TAOK1: variants seen among roughly 807,000 people sequenced by gnomAD.
TAOK1 encodes serine/threonine-protein kinase TAO1.
A neutral mutation model predicts 138.3 loss-of-function variants in TAOK1; 21 were observed. That is an observed-to-expected ratio of 0.15 (90% CI 0.11 to 0.22). The LOEUF is 0.22. TAOK1 is among the 10% of genes least tolerant of loss of function. The pLI is 1.00. For missense variants in TAOK1, 651 were observed against 1,227.7 expected (o/e 0.53, Z 7.02); for synonymous variants, 361 against 398.4 (o/e 0.91, Z 1.12).
intron 1 of TAOK1, among the ~76,000 whole-genome samples, chr17:29,417,107 G>A (rs1243474701): frequency 6.6e-6 from 1 of 152,008 alleles, no homozygotes; most frequent in Non-Finnish European, 1.5e-5. Context: ...TCCATCTCCT[G>A]GGTTCAAGCA....
intron 1 of TAOK1, among the ~76,000 whole-genome samples, chr17:29,432,034 G>T (rs981728316): frequency 6.6e-6 from 1 of 152,036 alleles, no homozygotes; most frequent in Non-Finnish European, 1.5e-5. Flanking sequence ...AGACCAGCTC[G>T]GTTGTGGAGA....
At chr17:29,400,041 G>A (rs1004178869) in intron 1 of TAOK1, among the ~76,000 whole-genome samples, 7 of 152,138 alleles carry the variant, frequency 4.6e-5, no homozygotes, top group Admixed American at 3.3e-4. Flanking sequence ...TCTGATGGGA[G>A]TTTTTAATTT....
intron 19 of TAOK1, among the ~76,000 whole-genome samples, chr17:29,535,493 G>C (rs1390527679): frequency 6.6e-6 from 1 of 152,040 alleles, no homozygotes; most frequent in African/African-American, 2.4e-5. Flanking sequence ...CTGGACCATA[G>C]GCCTGTAGAT....
rs1038760589 is a variant in TAOK1 at position 29,471,373 on chromosome 17, G to A, written c.204+4157G>A. Among the ~76,000 whole-genome samples the A allele has an allele frequency of 8.4e-5, 12 of 143,552 alleles. 1 individual carries two copies. In the South Asian group the frequency reaches 2.0e-3, roughly 24 times the overall value. The allele number at this position is 143,552 out of a possible 152,430, so 94.2% of individuals were successfully genotyped here. On this transcript the variant is annotated intron_variant, in intron 3 of 19. Transcript: ENST00000261716. ...TGGTTCACTGCGACCTTCGCCTCCC[G>A]GGTTCAAGTGATTCTCCTGCTTGCC... is the stretch of plus-strand genomic sequence containing the variant.
At position 29,549,941 on chromosome 17, in the gene TAOK1, C is replaced by T. The variant is rs1213459470; in HGVS notation, c.*6919C>T. 1.3e-5 allele frequency: 2 copies of T among 151,856 alleles called. No individual in the cohort carries two copies. The highest frequency in any genetic ancestry group is 2.9e-5 in the Non-Finnish European group (2 of 67,958). The allele number at this position is 151,856 out of a possible 1,614,324, so 9.4% of individuals were successfully genotyped here. On this transcript the variant is annotated 3_prime_UTR_variant, in exon 20 of 20. Transcript: ENST00000261716. ...TTAGGAGTGCCCCTCCAATTAATTA[C>T]ATGTGTCCAAGAATAATCCAAGCTA...
intron 1 of TAOK1, among the ~76,000 whole-genome samples, chr17:29,430,045 G>A (rs1209695486): frequency 6.6e-6 from 1 of 152,042 alleles, no homozygotes; most frequent in African/African-American, 2.4e-5. Flanking sequence ...TCTTCCATTT[G>A]AATCAAAAAG....
chr17:29,394,575 C>A (rs779775410), intron 1 of TAOK1, among the ~76,000 whole-genome samples: 4 of 152,134 alleles, frequency 2.6e-5, no homozygotes, highest in Non-Finnish European at 5.9e-5. Flanking sequence ...TCGTGTCTTT[C>A]ACCTGGAAAT....
intron 17 of TAOK1, among the ~76,000 whole-genome samples, chr17:29,523,318 T>A (rs2031953507): frequency 6.6e-6 from 1 of 152,218 alleles, no homozygotes; most frequent in Admixed American, 6.5e-5. Context: ...TTCTCTGTGC[T>A]TGTTCCTCCA....
intron 8 of TAOK1, among the ~76,000 whole-genome samples, chr17:29,486,131 CA>C (rs779790579): frequency 2.6e-5 from 4 of 151,442 alleles, no homozygotes; most frequent in East Asian, 3.9e-4. Flanking sequence ...ACAAAAAATA[CA>C]AAAAAAATTA....
At chr17:29,507,468 A>C (rs961138373) in intron 13 of TAOK1, among the ~76,000 whole-genome samples, 1 of 152,034 alleles carries the variant, frequency 6.6e-6, no homozygotes, top group Admixed American at 6.6e-5. Context: ...GTTTTTTCCT[A>C]TGTAAAGAAC....
rs550345599 is a variant in TAOK1 at position 29,451,018 on chromosome 17, T to C, written c.-94-437T>C. On this transcript the variant is annotated intron_variant, in intron 1 of 19. Transcript: ENST00000261716. ...TTACTTTCTCCCACTATATTTTTCT[T>C]TGAATGTCTGTTAGAGTTGATTAGT... is the stretch of plus-strand genomic sequence containing the variant. Among the ~76,000 whole-genome samples the C allele has an allele frequency of 1.7e-3, 256 of 152,360 alleles. 1 individual carries two copies. Among genetic ancestry groups the C allele is most frequent in the African/African-American group, 6.0e-3 (249 of 41,576 alleles).
intron 19 of TAOK1, among the ~76,000 whole-genome samples, chr17:29,539,681 G>A (rs905245535): frequency 3.3e-5 from 5 of 151,994 alleles, no homozygotes; most frequent in African/African-American, 1.2e-4. Context: ...GGTGATCCTC[G>A]TACCTCAGCC....
intron 2 of TAOK1, among the ~76,000 whole-genome samples, chr17:29,465,754 T>A (rs1321100382): frequency 3.3e-5 from 5 of 151,636 alleles, no homozygotes; most frequent in African/African-American, 1.2e-4. Context: ...TATTGCCTTG[T>A]ACTTTCTTAA....
intron 1 of TAOK1, among the ~76,000 whole-genome samples, chr17:29,398,675 A>C (rs1904738028): frequency 6.6e-6 from 1 of 151,808 alleles, no homozygotes; most frequent in Non-Finnish European, 1.5e-5. Flanking sequence ...GATTATAGGC[A>C]TGTGCCACCA....
intron 1 of TAOK1, among the ~76,000 whole-genome samples, chr17:29,420,961 G>A (rs1905423341): frequency 6.6e-6 from 1 of 151,676 alleles, no homozygotes; most frequent in Admixed American, 6.6e-5. Flanking sequence ...GCAGTGTCTC[G>A]CTCTGTCATC....
intron 18 of TAOK1, among the ~76,000 whole-genome samples, chr17:29,531,961 C>T (rs374867801): frequency 6.6e-5 from 10 of 151,394 alleles, no homozygotes; most frequent in East Asian, 4.0e-4. Context: ...CCCGGGTTCA[C>T]GCCATTCTCC....
Position 29,455,324 on chromosome 17 carries a change from A to G in TAOK1, c.132+3644A>G, listed in dbSNP as rs561355244. ...AAACATAGCTGTTTTTTGTATCTTC[A>G]TCTTGTACCCTACAACTCTGCTGAG... On this transcript the variant is annotated intron_variant, in intron 2 of 19. Coordinates refer to ENST00000261716, the MANE Select transcript of TAOK1 (RefSeq NM_020791.4). Among the ~76,000 whole-genome samples, 4 of 150,780 alleles carry G rather than the reference A, an allele frequency of 2.7e-5. 1 individual carries two copies. Among genetic ancestry groups the G allele is most frequent in the African/African-American group, 1.0e-4 (4 of 40,098 alleles).
chr17:29,397,433 C>A (rs2153019701), intron 1 of TAOK1, among the ~76,000 whole-genome samples: 1 of 151,418 alleles, frequency 6.6e-6, no homozygotes, highest in South Asian at 2.1e-4. Flanking sequence ...GAAACCCTGT[C>A]TCTACTAAAA....
chr17:29,434,058 A>G (rs1905944296), intron 1 of TAOK1, among the ~76,000 whole-genome samples: 1 of 152,118 alleles, frequency 6.6e-6, no homozygotes, highest in Admixed American at 6.6e-5. Context: ...CATCAAAACG[A>G]AACAAGGGGC....
Sources: gnomAD v4.1 joint callset for allele counts (sites outside exome capture counted in the v4.1 genomes callset) on GRCh38, gnomAD v4.1.1 for gene constraint, MANE v1.5 for transcripts, NCBI Gene and HGNC (gene_info 2026-07-23, HGNC 2026-07-21) for gene names.